RORA: variants seen among roughly 807,000 people sequenced by gnomAD.
The protein encoded by RORA is nuclear receptor ROR-alpha.
A neutral mutation model predicts 69.5 loss-of-function variants in RORA; 7 were observed. The ratio of observed to expected loss-of-function variants is 0.10; its 90% CI spans 0.06 to 0.19. The LOEUF is 0.19. RORA is among the 10% of genes least tolerant of loss of function. RORA has a pLI of 1.00. For synonymous variants in RORA, 261 were observed against 240.8 expected (o/e 1.08, Z -0.78); for missense variants, 457 against 663.0 (o/e 0.69, Z 3.41).
At chr15:61,084,183 C>A (rs1339272976) in intron 1 of RORA, among the ~76,000 whole-genome samples, 1 of 152,236 alleles carries the variant, frequency 6.6e-6, no homozygotes, top group Non-Finnish European at 1.5e-5. Context: ...AGATGGTGAA[C>A]AAATCATTTC....
intron 1 of RORA, among the ~76,000 whole-genome samples, chr15:60,988,178 G>A (rs754334153): frequency 3.9e-5 from 6 of 152,190 alleles, no homozygotes; most frequent in African/African-American, 7.2e-5. Context: ...TGAAAACAGC[G>A]TAGCAGACGG....
At chr15:60,888,975 A>T (rs1053997111) in intron 1 of RORA, among the ~76,000 whole-genome samples, 1 of 152,226 alleles carries the variant, frequency 6.6e-6, no homozygotes, top group Non-Finnish European at 1.5e-5. Flanking sequence ...TGCGTCTTCA[A>T]TTGTACAGAA....
intron 1 of RORA, among the ~76,000 whole-genome samples, chr15:60,828,476 T>G (rs2072995720): frequency 6.6e-6 from 1 of 152,128 alleles, no homozygotes; most frequent in African/African-American, 2.4e-5. Context: ...TTAGCTACAG[T>G]GTGGGGGTCT....
chr15:60,742,352 G>A (rs910133886), intron 1 of RORA, among the ~76,000 whole-genome samples: 6 of 151,862 alleles, frequency 4.0e-5, no homozygotes, highest in African/African-American at 1.5e-4. Context: ...TACACACAGA[G>A]TAAACTTTTC....
intron 1 of RORA, among the ~76,000 whole-genome samples, chr15:60,828,442 C>T (rs997195074): frequency 2.6e-5 from 4 of 152,172 alleles, no homozygotes; most frequent in African/African-American, 9.7e-5. Context: ...AGTGAAGACA[C>T]TCTAGTGCAC....
rs1026472405 is a variant in RORA at position 61,131,750 on chromosome 15, C to T, written c.166+97303G>A. Reference sequence around the variant, plus strand: ...AAAACATACTGAGCAGAAATTCCAACGTGGGCAGGGCTGGGGAAGGAGTAG... The same window carrying T: ...AAAACATACTGAGCAGAAATTCCAATGTGGGCAGGGCTGGGGAAGGAGTAG... On this transcript the variant is annotated intron_variant, in intron 1 of 10. Coordinates refer to ENST00000335670, the MANE Select transcript of RORA (RefSeq NM_134261.3). This position sits in a 1 kb window ranked among gnomAD's most constrained non-coding sequence, Gnocchi z 4.2. Among the ~76,000 whole-genome samples, 3 of 152,210 alleles carry T rather than the reference C, an allele frequency of 2.0e-5. No individual in the cohort carries two copies. Among genetic ancestry groups the T allele is most frequent in the African/African-American group, 7.2e-5 (3 of 41,448 alleles).
chr15:60,592,550 G>A, intron 2 of RORA: 2 of 1,267,298 alleles, frequency 1.6e-6, no homozygotes, highest in Non-Finnish European at 2.0e-6. Context: ...GAGCCATCCC[G>A]AGCCATAAGA....
At chr15:61,133,406 A>T (rs1324316670) in intron 1 of RORA, among the ~76,000 whole-genome samples, 1 of 152,188 alleles carries the variant, frequency 6.6e-6, no homozygotes, top group Non-Finnish European at 1.5e-5. Context: ...CCTTTCCGCA[A>T]GGTTACATAA....
rs139182915 is a variant in RORA at position 60,853,260 on chromosome 15, C to T, written c.167-174574G>A. On this transcript the variant is annotated intron_variant, in intron 1 of 10. Coordinates refer to ENST00000335670, the MANE Select transcript of RORA (RefSeq NM_134261.3). ...CACAGCCTTGGCCATTATCTGCAGC[C>T]GCAAAGGTCAGGGGGGCTGTCTGCA... is the stretch of plus-strand genomic sequence containing the variant. 2.9e-4 allele frequency among the ~76,000 whole-genome samples: 44 copies of T among 152,236 alleles called. No homozygotes were observed. The East Asian group carries it at 7.7e-3, about 27-fold the overall frequency.
intron 2 of RORA, among the ~76,000 whole-genome samples, chr15:60,573,402 C>T (rs1384562470): frequency 6.6e-6 from 1 of 152,216 alleles, no homozygotes; most frequent in African/African-American, 2.4e-5. Flanking sequence ...AATCATAACA[C>T]AGAAGAGACC....
chr15:61,036,591 C>T (rs1896468941), intron 1 of RORA, among the ~76,000 whole-genome samples: 1 of 152,070 alleles, frequency 6.6e-6, no homozygotes, highest in Non-Finnish European at 1.5e-5. Context: ...TTGATGAGTT[C>T]TCTGGACTGT....
At chr15:60,628,089 G>C (rs1345166344) in intron 2 of RORA, among the ~76,000 whole-genome samples, 1 of 152,162 alleles carries the variant, frequency 6.6e-6, no homozygotes. Context: ...ACTATGGTGT[G>C]TTTGTTACAA....
At chr15:61,165,994 C>T (rs890658083) in intron 1 of RORA, among the ~76,000 whole-genome samples, 7 of 152,330 alleles carry the variant, frequency 4.6e-5, no homozygotes, top group African/African-American at 1.7e-4. Flanking sequence ...CTGACCTGAG[C>T]TCGATGTGGG....
chr15:60,553,206 C>T (rs1442281139), intron 2 of RORA, among the ~76,000 whole-genome samples: 1 of 152,178 alleles, frequency 6.6e-6, no homozygotes, highest in Non-Finnish European at 1.5e-5. Context: ...TAATCTCCAT[C>T]TGCTTTTCTG....
chr15:61,036,531 A>G (rs1181671606), intron 1 of RORA, among the ~76,000 whole-genome samples: 2 of 152,102 alleles, frequency 1.3e-5, no homozygotes, highest in African/African-American at 4.8e-5. Flanking sequence ...TGTTAACACC[A>G]CTGACTGGGC....
At chr15:60,710,284 T>G (rs1037929821) in intron 1 of RORA, among the ~76,000 whole-genome samples, 3 of 151,840 alleles carry the variant, frequency 2.0e-5, no homozygotes, top group African/African-American at 7.3e-5. Flanking sequence ...AGGTCAGGAG[T>G]TCGAGACCAG....
intron 1 of RORA, among the ~76,000 whole-genome samples, chr15:60,873,410 A>G (rs1260816883): frequency 1.3e-5 from 2 of 152,216 alleles, no homozygotes; most frequent in Non-Finnish European, 2.9e-5. Flanking sequence ...GTCCAGAAGT[A>G]TGCAGGTACT....
intron 2 of RORA, among the ~76,000 whole-genome samples, chr15:60,670,211 T>C (rs1342782683): frequency 1.0e-5 from 1 of 99,712 alleles, no homozygotes; most frequent in Non-Finnish European, 2.0e-5. Context: ...CTTTTTTTTT[T>C]TTCTTTTTTT....
intron 2 of RORA, among the ~76,000 whole-genome samples, chr15:60,553,085 T>C (rs1362296359): frequency 6.6e-6 from 1 of 152,170 alleles, no homozygotes; most frequent in Non-Finnish European, 1.5e-5. Flanking sequence ...TGCAAGAATA[T>C]ATGTAAGCAA....
Sources: allele counts gnomAD v4.1 joint callset (sites outside exome capture counted in the v4.1 genomes callset), GRCh38; gene constraint gnomAD v4.1.1; non-coding constraint Gnocchi (gnomAD v3.1); transcripts MANE v1.5; gene names NCBI Gene and HGNC (gene_info 2026-07-23, HGNC 2026-07-21).